Variants in RASA1 observed in about 807,000 individuals in gnomAD.
RASA1 encodes the protein ras GTPase-activating protein 1.
A neutral mutation model predicts 132.2 loss-of-function variants in RASA1; 25 were observed. That is an observed-to-expected ratio of 0.19 (90% CI 0.14 to 0.26). The LOEUF (loss-of-function observed/expected upper bound fraction) is 0.26, where lower values mean the gene tolerates loss of function less well. Among genes scored for constraint, RASA1 ranks in the 10% least tolerant of loss-of-function variants. The pLI is 1.00. For missense variants in RASA1, 964 were observed against 1,299.2 expected, an observed-to-expected ratio of 0.74 and a Z score of 3.97; for synonymous variants, 477 against 449.9, an observed-to-expected ratio of 1.06 and a Z score of -0.76.
intron 1 of RASA1, chr5:87,269,347 TTG>T: frequency 6.6e-7 from 1 of 1,510,618 alleles, no homozygotes; most frequent in East Asian, 2.5e-5. Flanking sequence ...GTATATTAAC[TTG>T]TGTGTGTTAC....
intron 12 of RASA1, 103 bp downstream of exon 12, chr5:87,370,003 C>T (rs571145131): frequency 4.7e-4 from 449 of 953,194 alleles, no homozygotes; most frequent in Non-Finnish European, 6.9e-4. Flanking sequence ...AGTGACAGAA[C>T]GCCTGAAATC....
intron 11 of RASA1, among the ~76,000 whole-genome samples, chr5:87,368,456 C>T (rs951245976): frequency 6.6e-6 from 1 of 152,090 alleles, no homozygotes; most frequent in African/African-American, 2.4e-5. Flanking sequence ...GCCATTTAAT[C>T]CTGATGCCTG....
intron 23 of RASA1, among the ~76,000 whole-genome samples, chr5:87,388,857 A>G (rs1320102091): frequency 7.2e-5 from 11 of 152,194 alleles, no homozygotes; most frequent in Admixed American, 5.2e-4. Context: ...ATTAGCAGTT[A>G]ACCTACACTA....
rs562080686 is a variant in RASA1, at chr5:87,354,249, CTTA to C, written c.1332+1019_1332+1021del. 8.5e-5 allele frequency among the ~76,000 whole-genome samples: 13 copies of C among 152,124 alleles called. No homozygotes were observed. The South Asian group carries it at 1.0e-3, about 12-fold the overall frequency. On this transcript the variant is annotated intron_variant, in intron 9 of 24. Transcript: ENST00000274376. ...CACACTTCATTTTATTGTGCATTGC[CTTA>C]TTATGTTTCAAAGATAGTTTTTTTT...
intron 1 of RASA1, among the ~76,000 whole-genome samples, chr5:87,289,201 C>A (rs1325952895): frequency 6.6e-6 from 1 of 152,068 alleles, no homozygotes; most frequent in Non-Finnish European, 1.5e-5. Flanking sequence ...CTCATAGTTA[C>A]ACTTAGATTA....
At chr5:87,389,163 T>C in intron 23 of RASA1, 1 of 428,480 alleles carries the variant, frequency 2.3e-6, no homozygotes, top group Non-Finnish European at 4.3e-6. Context: ...AGAGAAAGAT[T>C]TGTATTTGTA....
intron 7 of RASA1, among the ~76,000 whole-genome samples, chr5:87,347,310 A>G (rs1044469525): frequency 6.6e-6 from 1 of 151,940 alleles, no homozygotes; most frequent in Non-Finnish European, 1.5e-5. Context: ...TAATTTTAAC[A>G]TTTCCCAAAA....
chr5:87,316,182 G>T (rs956113605), intron 1 of RASA1, among the ~76,000 whole-genome samples: 1 of 152,164 alleles, frequency 6.6e-6, no homozygotes, highest in Non-Finnish European at 1.5e-5. Flanking sequence ...TATGACGAAT[G>T]GTTAGCTTGT....
Position 87,379,801 on chromosome 5 carries a change from C to T in RASA1, c.2554C>T (p.Leu852Phe). ...TAATTTAACACACCTATTGAACATA[C>T]TTTCAGAGCTTGTGGAGAAAATATT... ...NTNLTHLLNI[L>F]SELVEKIFMA... Residue 852 changes from leucine to phenylalanine, a missense_variant, in exon 19 of 25, where the codon CTT becomes TTT. Physicochemically the swap from Leu to Phe is conservative, Grantham distance 22 (BLOSUM62 0). Transcript: ENST00000274376. The T allele has an allele frequency of 6.2e-7, 1 of 1,612,854 alleles. No homozygotes were observed. The highest frequency in any genetic ancestry group is 8.5e-7 in the Non-Finnish European group (1 of 1,179,166).
chr5:87,383,239 A>G (rs1761848816), intron 20 of RASA1, among the ~76,000 whole-genome samples: 1 of 152,206 alleles, frequency 6.6e-6, no homozygotes. Flanking sequence ...CAACCAACTT[A>G]GGCTGTTCTG....
chr5:87,292,105 C>T (rs940760949), intron 1 of RASA1, among the ~76,000 whole-genome samples: 3 of 152,108 alleles, frequency 2.0e-5, no homozygotes, highest in African/African-American at 7.2e-5. Context: ...ATATTTTTCT[C>T]CCAGTCTATG....
chr5:87,376,434 G>C lies in RASA1; in HGVS notation c.2053G>C (p.Ala685Pro), dbSNP rs1399896744. Residue 685 changes from alanine to proline, a missense_variant, in exon 16 of 25, where the codon GCC becomes CCC. Ala to Pro is a conservative substitution (Grantham distance 27, BLOSUM62 -1). Coordinates refer to ENST00000274376, the MANE Select transcript of RASA1 (RefSeq NM_002890.3). ...GTTGAGCCGATTACAGAAAGGGCAT[G>C]CCACAGATGAATGGTTTCTGCTCAG... ...CQLSRLQKGH[A>P]TDEWFLLSSH... 1 of 1,614,000 alleles carries C rather than the reference G, an allele frequency of 6.2e-7. No individual in the cohort carries two copies. The highest frequency in any genetic ancestry group is 1.1e-5 in the South Asian group (1 of 91,088).
intron 1 of RASA1, among the ~76,000 whole-genome samples, chr5:87,291,988 G>A (rs1334016351): frequency 6.6e-6 from 1 of 152,184 alleles, no homozygotes; most frequent in East Asian, 1.9e-4. Context: ...TGAGATGTCT[G>A]TTCAGGTCTT....
intron 1 of RASA1, among the ~76,000 whole-genome samples, chr5:87,276,342 C>G (rs1369616551): frequency 6.6e-6 from 1 of 152,110 alleles, no homozygotes; most frequent in East Asian, 1.9e-4. Context: ...TCTGTGTTAC[C>G]TTGAAATCAC....
intron 20 of RASA1, among the ~76,000 whole-genome samples, chr5:87,381,345 T>C (rs181481309): frequency 6.6e-6 from 1 of 152,330 alleles, no homozygotes; most frequent in African/African-American, 2.4e-5. Flanking sequence ...CTTTTGCTTT[T>C]GTTAAGCATA....
intron 8 of RASA1, 68 bp from the exon 9 acceptor site, chr5:87,353,089 T>C: frequency 5.5e-6 from 7 of 1,267,214 alleles, no homozygotes; most frequent in Middle Eastern, 4.6e-4. Flanking sequence ...CAAGAAAGTT[T>C]ACACATATTT....
chr5:87,313,287 C>T (rs1371605692), intron 1 of RASA1, among the ~76,000 whole-genome samples: 1 of 152,132 alleles, frequency 6.6e-6, no homozygotes, highest in Non-Finnish European at 1.5e-5. Context: ...AATTTTGGCT[C>T]TCCCTGGAGG....
Position 87,297,451 on chromosome 5 carries a change from T to C in RASA1, c.539+28461T>C, listed in dbSNP as rs376461680. 3.6e-4 allele frequency among the ~76,000 whole-genome samples: 55 copies of C among 152,368 alleles called. No homozygotes were observed. In the South Asian group the frequency reaches 0.011, roughly 30 times the overall value. On this transcript the variant is annotated intron_variant, in intron 1 of 24. Transcript: ENST00000274376. Reference sequence around the variant, plus strand: ...TCCCAGTTTTTTGGTGAACCTGTGCTCCTGGACTGTGAACATAACCATTGT... The same window carrying C: ...TCCCAGTTTTTTGGTGAACCTGTGCCCCTGGACTGTGAACATAACCATTGT...
chr5:87,286,899 C>A (rs1754595459), intron 1 of RASA1, among the ~76,000 whole-genome samples: 1 of 148,962 alleles, frequency 6.7e-6, no homozygotes, highest in Non-Finnish European at 1.5e-5. Context: ...TACATATACA[C>A]CATATATAAG....
Sources: allele counts gnomAD v4.1 joint callset (sites outside exome capture counted in the v4.1 genomes callset), GRCh38; gene constraint gnomAD v4.1.1; transcripts MANE v1.5; gene names NCBI Gene and HGNC (gene_info 2026-07-23, HGNC 2026-07-21).